The following CD84 variants were observed in gnomAD, a reference collection of about 807,000 sequenced individuals.
CD84 encodes the protein SLAM family member 5.
CD84 carries 22 observed loss-of-function variants against 33.8 expected under a neutral mutation model. The ratio of observed to expected loss-of-function variants is 0.65; its 90% CI spans 0.46 to 0.93. The LOEUF is 0.93. Ranked by LOEUF, CD84 falls within the 40% of genes least tolerant of loss-of-function variation. The pLI is 0.00. For missense variants in CD84, 400 were observed against 397.6 expected (o/e 1.01, Z -0.05); for synonymous variants, 154 against 145.2 (o/e 1.06, Z -0.44).
At chr1:160,554,417 T>C (rs1656467353) in intron 2 of CD84, among the ~76,000 whole-genome samples, 1 of 152,214 alleles carries the variant, frequency 6.6e-6, no homozygotes, top group South Asian at 2.1e-4. Flanking sequence ...TATCTGTCTT[T>C]CTAATTCTGC....
chr1:160,554,265 AC>A (rs1286490728), intron 2 of CD84, 119 bp from the exon 3 acceptor site: 2 of 1,021,180 alleles, frequency 2.0e-6, no homozygotes, highest in Non-Finnish European at 1.3e-6. Context: ...AATTATAAAA[AC>A]ATAATTAAAT....
intron 1 of CD84, 62 bp from the exon 2 acceptor site, chr1:160,565,807 T>G: frequency 7.1e-7 from 1 of 1,404,998 alleles, no homozygotes; most frequent in Non-Finnish European, 9.4e-7. Flanking sequence ...CTTCCTAATC[T>G]TTTTGGCCTT....
intron 6 of CD84, 145 bp from the exon 7 acceptor site, chr1:160,548,466 G>T: frequency 2.6e-6 from 2 of 784,206 alleles, no homozygotes; most frequent in South Asian, 1.7e-5. Context: ...GGGGTAGCAG[G>T]GCCTTGTTCT....
At chr1:160,555,611 C>T (rs372579234) in intron 2 of CD84, among the ~76,000 whole-genome samples, 4 of 152,048 alleles carry the variant, frequency 2.6e-5, no homozygotes, top group Non-Finnish European at 5.9e-5. Flanking sequence ...CATGGGGAAG[C>T]GTTAAGGTCT....
chr1:160,571,002 T>C (rs1657659468), intron 1 of CD84: 1 of 152,210 alleles, frequency 6.6e-6, no homozygotes, highest in Non-Finnish European at 1.5e-5. Context: ...GAAGCCAAGT[T>C]CTGAGGATGG....
rs767474750 is a variant in CD84 at position 160,565,535 on chromosome 1, T to C, written c.257A>G (p.His86Arg). Residue 86 changes from histidine (H) to arginine (R), a missense_variant, in exon 2 of 7, where the codon CAT becomes CGT. By Grantham distance (29) the His-to-Arg change is conservative (BLOSUM62 0). Transcript: ENST00000368054. ...CAGATTGTAGTTCGGACCTAAGGCA[T>C]GTATCCGTTCATAATAATTTCTGTG... ...VTHRNYYERI[H>R]ALGPNYNLVI... is the part of the protein sequence containing the mutation. The C allele has an allele frequency of 6.2e-7, 1 of 1,613,986 alleles. No homozygotes were observed. The highest frequency in any genetic ancestry group is 8.5e-7 in the Non-Finnish European group (1 of 1,179,914).
rs754644036 is a variant in CD84, at chr1:160,579,344, A to G, written c.46+48T>C. On this transcript the variant is annotated intron_variant, in intron 1 of 6. Coordinates refer to ENST00000368054, the MANE Select transcript of CD84 (RefSeq NM_003874.4). Reference sequence around the variant, plus strand: ...AATGTCTTCCTTAAGGGCAATTTTTAAAACTTTATGGAAAACTAGGAGGCG... The same window carrying G: ...AATGTCTTCCTTAAGGGCAATTTTTGAAACTTTATGGAAAACTAGGAGGCG... 5 of 1,612,348 alleles carry G rather than the reference A, an allele frequency of 3.1e-6. No individual in the cohort carries two copies. In the South Asian group the frequency reaches 5.5e-5, roughly 18 times the overall value.
chr1:160,572,102 G>A (rs1168100111), intron 1 of CD84, among the ~76,000 whole-genome samples: 2 of 152,214 alleles, frequency 1.3e-5, no homozygotes, highest in Non-Finnish European at 2.9e-5. Flanking sequence ...GCATAGATTT[G>A]AGCCAGGTGG....
chr1:160,553,996 A>G lies in CD84; in HGVS notation c.539T>C (p.Ile180Thr). 6.2e-7 allele frequency: 1 copy of G among 1,614,206 alleles called. No individual in the cohort carries two copies. The highest frequency in any genetic ancestry group is 1.3e-5 in the African/African-American group (1 of 75,050). ...PLGEEGNVLQ[I>T]FQTPEDQELT... ...CTCTTGGTCCTCAGGAGTCTGGAAG[A>G]TTTGAAGGACATTACCCTCTTCTCC... The change falls in exon 3 of 7, where the codon ATC becomes ACC. Residue 180 changes from isoleucine to threonine, a missense_variant. Physicochemically the swap from Ile to Thr is moderately conservative, Grantham distance 89. Transcript: ENST00000368054.
At chr1:160,560,347 C>G (rs1294717873) in intron 2 of CD84, among the ~76,000 whole-genome samples, 1 of 152,134 alleles carries the variant, frequency 6.6e-6, no homozygotes, top group African/African-American at 2.4e-5. Context: ...GAAATTCACT[C>G]ATAACCACAC....
intron 1 of CD84, among the ~76,000 whole-genome samples, chr1:160,568,713 C>T (rs1571379625): frequency 2.0e-5 from 3 of 151,962 alleles, no homozygotes; most frequent in African/African-American, 4.8e-5. Flanking sequence ...CTCCACCTCC[C>T]GGGTTCAGGC....
chr1:160,554,822 T>C (rs1656496204), intron 2 of CD84, among the ~76,000 whole-genome samples: 1 of 152,034 alleles, frequency 6.6e-6, no homozygotes, highest in Non-Finnish European at 1.5e-5. Context: ...GGGATATAAA[T>C]GCTTAGCAAA....
intron 2 of CD84, among the ~76,000 whole-genome samples, chr1:160,555,617 G>A (rs1656559999): frequency 6.6e-6 from 1 of 152,084 alleles, no homozygotes; most frequent in South Asian, 2.1e-4. Context: ...GAAGCGTTAA[G>A]GTCTTTTCTT....
intron 1 of CD84, among the ~76,000 whole-genome samples, chr1:160,572,498 A>G (rs1379752470): frequency 1.3e-5 from 2 of 152,128 alleles, no homozygotes; most frequent in South Asian, 2.1e-4. Flanking sequence ...ATTAAATGCA[A>G]TTGCGAAGAT....
intron 2 of CD84, among the ~76,000 whole-genome samples, chr1:160,559,296 T>C (rs1656797535): frequency 6.6e-6 from 1 of 152,202 alleles, no homozygotes; most frequent in African/African-American, 2.4e-5. Flanking sequence ...GTAGAAACTC[T>C]ACAAGCCAGA....
chr1:160,562,978 C>T (rs1553233125), intron 2 of CD84, among the ~76,000 whole-genome samples: 1 of 152,066 alleles, frequency 6.6e-6, no homozygotes, highest in Non-Finnish European at 1.5e-5. Flanking sequence ...AGCCAACAAA[C>T]ATGTGAAAAA....
At chr1:160,550,796 G>A in intron 5 of CD84, 142 bp downstream of exon 5, 1 of 1,516,096 alleles carries the variant, frequency 6.6e-7, no homozygotes, top group Non-Finnish European at 8.8e-7. Context: ...TCACTTCCCT[G>A]ACATGGTATT....
chr1:160,568,991 T>C (rs1004610681), intron 1 of CD84, among the ~76,000 whole-genome samples: 1 of 152,208 alleles, frequency 6.6e-6, no homozygotes, highest in African/African-American at 2.4e-5. Flanking sequence ...GCAAATGATG[T>C]AATATGAGTA....
At position 160,554,040 on chromosome 1, in the gene CD84, T is replaced by A; in HGVS notation, c.495A>T (p.Thr165=). Reference sequence around the variant, plus strand: ...CTTCTCCCAGGGGACTCCAATTGTATGTCACATTCTTTTCTTCTTTCTCTA... The same window carrying A: ...CTTCTCCCAGGGGACTCCAATTGTAAGTCACATTCTTTTCTTCTTTCTCTA... The part of the protein sequence containing the change: ...CSVEKEEKNV[T]YNWSPLGEEG... The change falls in exon 3 of 7, where the codon ACA becomes ACT. Residue 165 remains threonine (T), a synonymous_variant. Coordinates refer to ENST00000368054, the MANE Select transcript of CD84 (RefSeq NM_003874.4). The A allele has an allele frequency of 6.2e-7, 1 of 1,614,234 alleles. No homozygotes were observed. The highest frequency in any genetic ancestry group is 8.5e-7 in the Non-Finnish European group (1 of 1,180,044).
Sources: gnomAD v4.1 joint callset for allele counts (sites outside exome capture counted in the v4.1 genomes callset) on GRCh38, gnomAD v4.1.1 for gene constraint, MANE v1.5 for transcripts, NCBI Gene and HGNC (gene_info 2026-07-23, HGNC 2026-07-21) for gene names.